Variants in FHIT observed in about 807,000 individuals in gnomAD.
FHIT encodes fragile histidine triad diadenosine triphosphatase.
In FHIT, 19 loss-of-function variants were observed where a neutral mutation model predicts 17.9. The observed-to-expected ratio is 1.06, with a 90% CI of 0.74 to 1.56. The LOEUF is 1.56. Among genes scored for constraint, FHIT ranks in the 40% most tolerant of loss-of-function variants. The probability of loss-of-function intolerance (pLI) is 0.00; values close to 1 mark genes in which losing one functional copy is unlikely to be tolerated. For missense variants in FHIT, 248 were observed against 189.2 expected (o/e 1.31, Z -1.82); for synonymous variants, 81 against 69.7 (o/e 1.16, Z -0.81).
At chr3:60,466,208 C>T (rs370294569) in intron 5 of FHIT, among the ~76,000 whole-genome samples, 102 of 152,134 alleles carry the variant, frequency 6.7e-4, no homozygotes, top group African/African-American at 2.3e-3. Flanking sequence ...TATAAAAATG[C>T]TACTGATTTT....
chr3:59,834,584 G>C (rs1328279647), intron 8 of FHIT, among the ~76,000 whole-genome samples: 1 of 152,148 alleles, frequency 6.6e-6, no homozygotes, highest in Non-Finnish European at 1.5e-5. Context: ...CTTCCAGGTT[G>C]TAGATTGTCA....
At chr3:61,071,450 G>C (rs1179401089) in intron 2 of FHIT, among the ~76,000 whole-genome samples, 2 of 152,164 alleles carry the variant, frequency 1.3e-5, no homozygotes, top group Non-Finnish European at 1.5e-5. Context: ...GATATATCAT[G>C]TGTGGATGCT....
chr3:61,081,657 T>C (rs2035140910), intron 2 of FHIT, among the ~76,000 whole-genome samples: 1 of 152,204 alleles, frequency 6.6e-6, no homozygotes, highest in Non-Finnish European at 1.5e-5. Context: ...TCTGTCATCA[T>C]GTGACGTTCT....
intron 5 of FHIT, among the ~76,000 whole-genome samples, chr3:60,228,940 G>A (rs1704352387): frequency 6.6e-6 from 1 of 152,128 alleles, no homozygotes; most frequent in African/African-American, 2.4e-5. Context: ...TCAGTAAAGG[G>A]CAAGGAAGTT....
intron 5 of FHIT, among the ~76,000 whole-genome samples, chr3:60,045,582 GT>G (rs1279767037): frequency 9.9e-5 from 15 of 152,010 alleles, no homozygotes; most frequent in Non-Finnish European, 2.2e-4. Flanking sequence ...TAAATTTTAT[GT>G]TTTTTTAATG....
chr3:60,962,244 G>A (rs1051697339), intron 3 of FHIT, among the ~76,000 whole-genome samples: 1 of 152,140 alleles, frequency 6.6e-6, no homozygotes, highest in African/African-American at 2.4e-5. Flanking sequence ...TGTTATTGGT[G>A]TATAAGAATG....
intron 5 of FHIT, among the ~76,000 whole-genome samples, chr3:60,482,948 A>G (rs1378560345): frequency 6.6e-6 from 1 of 152,134 alleles, no homozygotes; most frequent in African/African-American, 2.4e-5. Context: ...AATAAAGAAG[A>G]AAAGAGAGAA....
chr3:60,455,115 T>G (rs2032007002), intron 5 of FHIT, among the ~76,000 whole-genome samples: 1 of 151,456 alleles, frequency 6.6e-6, no homozygotes, highest in Non-Finnish European at 1.5e-5. Context: ...TAAGATGGGG[T>G]GGGTGAGGTA....
At chr3:60,951,605 T>C (rs1269810813) in intron 3 of FHIT, among the ~76,000 whole-genome samples, 1 of 152,208 alleles carries the variant, frequency 6.6e-6, no homozygotes, top group African/African-American at 2.4e-5. Context: ...CCCTATCATA[T>C]GCTTAACCCA....
chr3:60,538,383 C>G (rs777590313), intron 4 of FHIT, among the ~76,000 whole-genome samples: 1 of 152,112 alleles, frequency 6.6e-6, no homozygotes, highest in Non-Finnish European at 1.5e-5. Context: ...TTTATAGATT[C>G]AATGCCATCC....
chr3:61,155,304 G>C (rs1056704195), intron 2 of FHIT, among the ~76,000 whole-genome samples: 3 of 152,128 alleles, frequency 2.0e-5, no homozygotes, highest in Admixed American at 6.5e-5. Flanking sequence ...ACAGGACTTT[G>C]CTACAGCCCT....
At chr3:59,883,566 G>A (rs56242402) in intron 8 of FHIT, among the ~76,000 whole-genome samples, 4 of 152,154 alleles carry the variant, frequency 2.6e-5, no homozygotes, top group African/African-American at 2.4e-5. Flanking sequence ...TACAGGGTCC[G>A]TCTCACAACA....
At chr3:60,384,883 AT>A (rs1299129996) in intron 5 of FHIT, among the ~76,000 whole-genome samples, 4 of 151,900 alleles carry the variant, frequency 2.6e-5, no homozygotes, top group Non-Finnish European at 1.5e-5. Flanking sequence ...ATAAAAACCT[AT>A]TGTGAGAAGT....
intron 3 of FHIT, among the ~76,000 whole-genome samples, chr3:60,847,174 G>A (rs1457006931): frequency 6.6e-6 from 1 of 152,182 alleles, no homozygotes; most frequent in Non-Finnish European, 1.5e-5. Context: ...CTGGTCCAGA[G>A]CAGATACTCA....
chr3:60,372,395 C>G (rs1167393259), intron 5 of FHIT, among the ~76,000 whole-genome samples: 2 of 152,130 alleles, frequency 1.3e-5, no homozygotes, highest in Non-Finnish European at 2.9e-5. Context: ...TGTGGCACAT[C>G]CATAATTTGG....
intron 4 of FHIT, among the ~76,000 whole-genome samples, chr3:60,586,227 T>C (rs2037901766): frequency 6.6e-6 from 1 of 151,932 alleles, no homozygotes; most frequent in Non-Finnish European, 1.5e-5. Context: ...CCTGTCAAAA[T>C]GAATAAATAA....
chr3:60,788,642 C>G (rs1014264841), intron 4 of FHIT, among the ~76,000 whole-genome samples: 24 of 152,134 alleles, frequency 1.6e-4, no homozygotes, highest in African/African-American at 5.5e-4. Flanking sequence ...CTATGCATCT[C>G]CAGGGCAGGA....
intron 2 of FHIT, among the ~76,000 whole-genome samples, chr3:61,149,903 C>A (rs1399631783): frequency 6.6e-6 from 1 of 152,018 alleles, no homozygotes; most frequent in African/African-American, 2.4e-5. Context: ...CTAAACTGGA[C>A]AAGATGCAGA....
chr3:61,226,023 AT>A (rs2039962674), intron 1 of FHIT, among the ~76,000 whole-genome samples: 2 of 152,182 alleles, frequency 1.3e-5, no homozygotes, highest in Non-Finnish European at 2.9e-5. Flanking sequence ...GAACAGTAGA[AT>A]TTCTCTGCTT....
Sources: gnomAD v4.1 joint callset for allele counts (sites outside exome capture counted in the v4.1 genomes callset) on GRCh38, gnomAD v4.1.1 for gene constraint, MANE v1.5 for transcripts, NCBI Gene and HGNC (gene_info 2026-07-23, HGNC 2026-07-21) for gene names.